The following ZNF532 variants were observed in gnomAD, a reference collection of about 807,000 sequenced individuals.
ZNF532 encodes the protein zinc finger protein 532.
ZNF532 carries 22 observed loss-of-function variants against 89.3 expected under a neutral mutation model. That is an observed-to-expected ratio of 0.25 (90% CI 0.18 to 0.35). ZNF532 has a LOEUF of 0.35. Among genes scored for constraint, ZNF532 ranks in the 10% least tolerant of loss-of-function variants. The pLI is 1.00. For synonymous variants in ZNF532, 606 were observed against 649.6 expected (o/e 0.93, Z 1.02); for missense variants, 1,132 against 1,643.4 (o/e 0.69, Z 5.38).
upstream of ZNF532, chr18:58,863,030 G>A (rs928179643): frequency 6.6e-6 from 1 of 152,210 alleles, no homozygotes; most frequent in African/African-American, 2.4e-5. Flanking sequence ...TAATTTGTCC[G>A]AAGATAGCGT....
chr18:58,955,317 T>C (rs554917663), intron 7 of ZNF532, among the ~76,000 whole-genome samples: 103 of 152,328 alleles, frequency 6.8e-4, no homozygotes, highest in African/African-American at 2.4e-3. Context: ...TATTTCATCA[T>C]GAGGAACATA....
At chr18:58,915,712 GT>G (rs1056573951) in intron 2 of ZNF532, among the ~76,000 whole-genome samples, 66 of 152,320 alleles carry the variant, frequency 4.3e-4, no homozygotes, top group African/African-American at 1.5e-3. Context: ...CCTTCCCAGG[GT>G]TCATAAGAAT....
intron 7 of ZNF532, among the ~76,000 whole-genome samples, chr18:58,957,288 A>G (rs999467162): frequency 6.6e-6 from 1 of 152,116 alleles, no homozygotes; most frequent in African/African-American, 2.4e-5. Flanking sequence ...GTCATTGGAA[A>G]GATCCAAATT....
chr18:58,983,616 C>T (rs1199503789), intron 9 of ZNF532, among the ~76,000 whole-genome samples: 1 of 152,118 alleles, frequency 6.6e-6, no homozygotes, highest in Admixed American at 6.5e-5. Flanking sequence ...CCTTGCTTCC[C>T]ATGGCCCTCA....
At chr18:58,872,412 T>C (rs2057062251) in intron 2 of ZNF532, among the ~76,000 whole-genome samples, 1 of 152,338 alleles carries the variant, frequency 6.6e-6, no homozygotes, top group East Asian at 1.9e-4. Flanking sequence ...ATTGATTTTA[T>C]CATTTTCTTT....
intron 2 of ZNF532, among the ~76,000 whole-genome samples, chr18:58,866,962 C>G (rs1402192127): frequency 6.6e-6 from 1 of 152,268 alleles, no homozygotes; most frequent in Non-Finnish European, 1.5e-5. Flanking sequence ...AATTCTCCAT[C>G]ATTTCTGACT....
chr18:58,920,734 ACGTGTGTGTGTGTG>A (rs1235432265), intron 3 of ZNF532, 101 bp downstream of exon 3: 30 of 487,020 alleles, frequency 6.2e-5, no homozygotes, highest in South Asian at 5.0e-4. Context: ...AGTGAAATGG[ACGTGTGTGTGTGTG>A]TGTGTGTGTG....
intron 2 of ZNF532, among the ~76,000 whole-genome samples, chr18:58,888,563 C>T (rs1287140895): frequency 6.8e-6 from 1 of 147,924 alleles, no homozygotes; most frequent in Admixed American, 7.0e-5. Context: ...GTAACCCCAG[C>T]TACTTGGGAG....
upstream of ZNF532, chr18:58,863,163 T>G (rs1602391556): frequency 6.6e-6 from 1 of 152,114 alleles, no homozygotes; most frequent in African/African-American, 2.4e-5. Flanking sequence ...TTCCTTCCAC[T>G]CGAGTAAGTC....
chr18:58,916,813 T>A, intron 2 of ZNF532: 1 of 779,416 alleles, frequency 1.3e-6, no homozygotes, highest in Non-Finnish European at 1.6e-6. Context: ...TCTCACTGAG[T>A]AGAAATTCTC....
intron 2 of ZNF532, among the ~76,000 whole-genome samples, chr18:58,901,076 T>C (rs2059571173): frequency 6.6e-6 from 1 of 152,212 alleles, no homozygotes. Flanking sequence ...ATCTGCCTGT[T>C]TCTATTTCTA....
At chr18:58,871,662 G>A (rs924660102) in intron 2 of ZNF532, among the ~76,000 whole-genome samples, 6 of 152,228 alleles carry the variant, frequency 3.9e-5, no homozygotes, top group East Asian at 1.9e-4. Flanking sequence ...CGCCGTTCAC[G>A]TTGGAGGTGA....
At chr18:58,966,038 G>C (rs1568440557) in intron 7 of ZNF532, among the ~76,000 whole-genome samples, 1 of 152,168 alleles carries the variant, frequency 6.6e-6, no homozygotes, top group Non-Finnish European at 1.5e-5. Context: ...GGAGAAGTGG[G>C]TAGGACCTGG....
intron 2 of ZNF532, among the ~76,000 whole-genome samples, chr18:58,876,081 C>T (rs536094905): frequency 1.3e-5 from 2 of 152,062 alleles, no homozygotes; most frequent in South Asian, 2.1e-4. Flanking sequence ...TACAGGCCCC[C>T]GCCACCATGC....
chr18:58,944,741 TA>T (rs963952359), intron 5 of ZNF532, among the ~76,000 whole-genome samples: 10 of 150,368 alleles, frequency 6.7e-5, no homozygotes, highest in East Asian at 1.9e-4. Flanking sequence ...ATTTGGACTT[TA>T]AAAAAAAAAT....
intron 7 of ZNF532, among the ~76,000 whole-genome samples, chr18:58,960,440 A>G (rs1223225791): frequency 6.6e-6 from 1 of 152,170 alleles, no homozygotes; most frequent in Non-Finnish European, 1.5e-5. Flanking sequence ...GCTTGTGTGA[A>G]AGGAGAAGGT....
At chr18:58,958,087 A>G (rs1016239756) in intron 7 of ZNF532, among the ~76,000 whole-genome samples, 14 of 150,244 alleles carry the variant, frequency 9.3e-5, no homozygotes, top group African/African-American at 3.2e-4. Flanking sequence ...AAAAAAATAC[A>G]AAAACCTAAT....
intron 4 of ZNF532, among the ~76,000 whole-genome samples, chr18:58,939,221 T>G (rs2062736371): frequency 9.1e-6 from 1 of 109,598 alleles, no homozygotes; most frequent in Admixed American, 1.4e-4. Context: ...CACTCCAGCC[T>G]GGGCGACAGA....
intron 3 of ZNF532, among the ~76,000 whole-genome samples, chr18:58,923,122 C>T (rs2061251946): frequency 6.6e-6 from 1 of 152,094 alleles, no homozygotes; most frequent in South Asian, 2.1e-4. Context: ...AGACCAGATA[C>T]ACACAAGCAA....
Sources: gnomAD v4.1 joint callset for allele counts (sites outside exome capture counted in the v4.1 genomes callset) on GRCh38, gnomAD v4.1.1 for gene constraint, MANE v1.5 for transcripts, NCBI Gene and HGNC (gene_info 2026-07-23, HGNC 2026-07-21) for gene names.